Variants in WFDC1 observed in about 807,000 individuals in gnomAD.
WFDC1 encodes WAP four-disulfide core domain protein 1.
Under a neutral mutation model 32.9 loss-of-function variants are expected in WFDC1, and 39 were observed. That is an observed-to-expected ratio of 1.19 (90% confidence interval 0.92 to 1.55). The LOEUF (loss-of-function observed/expected upper bound fraction) is 1.55. Ranked by LOEUF, WFDC1 falls within the 40% of genes most tolerant of loss-of-function variation. WFDC1 has a pLI of 0.00. For synonymous variants in WFDC1, 184 were observed against 137.4 expected (o/e 1.34, Z -2.37); for missense variants, 386 against 309.5 (o/e 1.25, Z -1.85).
chr16:84,319,694 G>C (rs1908193384), intron 4 of WFDC1, 123 bp downstream of exon 4: 1 of 1,290,152 alleles, frequency 7.8e-7, no homozygotes, highest in Non-Finnish European at 1.1e-6. Flanking sequence ...GCCTGACTGA[G>C]AGCTCCTCAC....
intron 2 of WFDC1, among the ~76,000 whole-genome samples, chr16:84,315,596 T>C (rs989069499): frequency 1.3e-5 from 2 of 152,206 alleles, no homozygotes; most frequent in African/African-American, 4.8e-5. Context: ...TTGGGATTGG[T>C]TGATTCTACT....
chr16:84,324,580 G>A, intron 5 of WFDC1, 120 bp downstream of exon 5: 10 of 1,153,840 alleles, frequency 8.7e-6, no homozygotes, highest in Non-Finnish European at 1.1e-5. Flanking sequence ...ATGGGACCTG[G>A]GATTAAGAAA....
Position 84,319,830 on chromosome 16 carries a change from G to T in WFDC1, c.562+259G>T, listed in dbSNP as rs9935012. ...CCAGCTCTGCACCTCCCAGCTGGGC[G>T]ACACTGGGGTTAATTTCTTCCTATC... On this transcript the variant is annotated intron_variant, in intron 4 of 6. Coordinates refer to ENST00000219454, the MANE Select transcript of WFDC1 (RefSeq NM_021197.4). Among the ~76,000 whole-genome samples the T allele has an allele frequency of 2.4e-3, 359 of 152,280 alleles. 3 individuals are homozygous for T. Among genetic ancestry groups the T allele is most frequent in the African/African-American group, 8.2e-3 (339 of 41,550 alleles).
chr16:84,317,157 G>A (rs1264295154), intron 2 of WFDC1: 2 of 152,050 alleles, frequency 1.3e-5, no homozygotes, highest in African/African-American at 4.8e-5. Context: ...GCCAGGCGTG[G>A]TGGCACATGC....
At chr16:84,322,160 C>CGTGT (rs10687228) in intron 4 of WFDC1, among the ~76,000 whole-genome samples, 28,853 of 142,048 alleles carry the variant, frequency 0.2, 3,072 homozygotes, top group Non-Finnish European at 0.23. Context: ...TGTGTGTGTG[C>CGTGT]GTGTGTGTGT....
At chr16:84,316,181 G>C (rs775047340) in intron 2 of WFDC1, 8 of 152,190 alleles carry the variant, frequency 5.3e-5, no homozygotes, top group Non-Finnish European at 1.0e-4. Context: ...AAGAACCATC[G>C]CGTCATTCCT....
At chr16:84,315,301 C>G (rs979754051) in intron 2 of WFDC1, among the ~76,000 whole-genome samples, 20 of 152,186 alleles carry the variant, frequency 1.3e-4, no homozygotes, top group Admixed American at 1.3e-3. Flanking sequence ...ACCCTCCATC[C>G]CTGTTTAATT....
intron 2 of WFDC1, 78 bp downstream of exon 2, chr16:84,313,231 G>C (rs1331832513): frequency 9.3e-6 from 12 of 1,295,870 alleles, no homozygotes; most frequent in Non-Finnish European, 9.8e-6. Flanking sequence ...GGGAAGAAAG[G>C]AGCTGGGCTT....
chr16:84,303,021 CT>C (rs35785853), intron 1 of WFDC1, among the ~76,000 whole-genome samples: 35,861 of 134,792 alleles, frequency 0.27, 4,126 homozygotes, highest in East Asian at 0.44. Context: ...TTCTTTCTTT[CT>C]TTTTTTTTTT....
chr16:84,324,360 C>G (rs1908464666), intron 4 of WFDC1, 59 bp from the exon 5 acceptor site: 2 of 1,489,674 alleles, frequency 1.3e-6, no homozygotes, highest in Non-Finnish European at 1.9e-6. Context: ...GTTATTATGA[C>G]AACAGTTTTG....
intron 1 of WFDC1, among the ~76,000 whole-genome samples, chr16:84,302,323 G>A (rs1459834433): frequency 2.0e-5 from 3 of 152,114 alleles, no homozygotes; most frequent in Non-Finnish European, 2.9e-5. Flanking sequence ...AATTAATGCC[G>A]CCAACTCGCA....
At chr16:84,311,834 C>G (rs1701212333) in intron 1 of WFDC1, among the ~76,000 whole-genome samples, 1 of 151,742 alleles carries the variant, frequency 6.6e-6, no homozygotes, top group South Asian at 2.1e-4. Context: ...GCCACAGCAC[C>G]TGGCCCCTAT....
intron 1 of WFDC1, among the ~76,000 whole-genome samples, chr16:84,308,123 CA>C (rs942831146): frequency 6.6e-6 from 1 of 152,122 alleles, no homozygotes; most frequent in African/African-American, 2.4e-5. Context: ...GGATGGGGGC[CA>C]GGGGCCCCCC....
rs953053414 is a variant in WFDC1, at chr16:84,318,507, C to A, written c.421+152C>A. On this transcript the variant is annotated intron_variant, in intron 3 of 6. Transcript: ENST00000219454. ...CCCTCTTTGATCCTCCCCACCCCAG[C>A]GAAGAAGGGCTGATGGCTGGGGGCT... is the stretch of plus-strand genomic sequence containing the variant. 2.4e-4 allele frequency: 175 copies of A among 716,152 alleles called. 1 individual carries two copies. The African/African-American group carries it at 2.8e-3, about 11-fold the overall frequency. The allele number at this position is 716,152 out of a possible 1,614,324, so 44.4% of individuals were successfully genotyped here.
rs776485260 is a variant in WFDC1 at position 84,327,044 on chromosome 16, A to G, written c.*15+89A>G. The G allele has an allele frequency of 5.3e-6, 7 of 1,330,830 alleles. No individual in the cohort carries two copies. In the African/African-American group the frequency reaches 1.0e-4, roughly 19 times the overall value. 82.4% of individuals were successfully genotyped at this position (1,330,830 alleles called of 1,614,324 possible). On this transcript the variant is annotated intron_variant, in intron 6 of 6. Coordinates refer to ENST00000219454, the MANE Select transcript of WFDC1 (RefSeq NM_021197.4). Reference sequence around the variant, plus strand: ...TTTCACCACCAGGTTGAGGAGCAGGAGGGTGAGAGTAGCGCTTTCCCTACT... The same window carrying G: ...TTTCACCACCAGGTTGAGGAGCAGGGGGGTGAGAGTAGCGCTTTCCCTACT...
intron 3 of WFDC1, chr16:84,319,062 G>A (rs10871284): frequency 0.8 from 234,533 of 294,618 alleles, 97,542 homozygotes; most frequent in Non-Finnish European, 0.89. Flanking sequence ...ATGTCTGTGT[G>A]TATTTGTGCG....
At chr16:84,304,386 G>A (rs1023772012) in intron 1 of WFDC1, among the ~76,000 whole-genome samples, 2 of 152,140 alleles carry the variant, frequency 1.3e-5, no homozygotes, top group African/African-American at 4.8e-5. Context: ...CCGCCACCAC[G>A]CCTGGCTAGT....
chr16:84,315,765 G>A (rs1264826321), intron 2 of WFDC1, among the ~76,000 whole-genome samples: 1 of 152,164 alleles, frequency 6.6e-6, no homozygotes, highest in African/African-American at 2.4e-5. Context: ...AAATCGCTCT[G>A]CATTGAGAAA....
rs1387589534 is a variant in WFDC1 at position 84,326,922 on chromosome 16, AC to A, written c.646del (p.Gln216ArgfsTer12). The A allele has an allele frequency of 1.9e-6, 3 of 1,614,106 alleles. No individual in the cohort carries two copies. The highest frequency in any genetic ancestry group is 1.7e-4 in the Middle Eastern group (1 of 6,060). ...KNVAEPGRGQ[Q>X]KHFQ is the part of the protein sequence containing the mutation. ...ATGTGGCAGAACCTGGAAGGGGACAACAGAAGCACTTTCAGTAAAGCAACGG... is the reference window on the plus strand; with the variant it reads ...ATGTGGCAGAACCTGGAAGGGGACAAAGAAGCACTTTCAGTAAAGCAACGG... On this transcript the variant is annotated frameshift_variant, in exon 6 of 7. Coordinates refer to ENST00000219454, the MANE Select transcript of WFDC1 (RefSeq NM_021197.4). LOFTEE classifies it high-confidence loss of function.
Sources: allele counts gnomAD v4.1 joint callset (sites outside exome capture counted in the v4.1 genomes callset), GRCh38; gene constraint gnomAD v4.1.1; transcripts MANE v1.5; gene names NCBI Gene and HGNC (gene_info 2026-07-23, HGNC 2026-07-21).